KIF13B: variants seen among roughly 807,000 people sequenced by gnomAD.
The protein encoded by KIF13B is kinesin-like protein KIF13B.
A neutral mutation model predicts 222.0 loss-of-function variants in KIF13B; 127 were observed. The ratio of observed to expected loss-of-function variants is 0.57; its 90% CI spans 0.50 to 0.66. KIF13B has a LOEUF of 0.66. Ranked by LOEUF, KIF13B falls within the 30% of genes least tolerant of loss-of-function variation. The pLI, the probability that KIF13B is intolerant of heterozygous loss-of-function variation, is 0.00. For missense variants in KIF13B, 2,173 were observed against 2,379.0 expected (o/e 0.91, Z 1.80); for synonymous variants, 976 against 919.0 (o/e 1.06, Z -1.12).
intron 5 of KIF13B, among the ~76,000 whole-genome samples, chr8:29,187,303 G>A (rs1201128775): frequency 6.6e-6 from 1 of 152,192 alleles, no homozygotes; most frequent in Non-Finnish European, 1.5e-5. Flanking sequence ...CAAGGTGGGT[G>A]GATCACCTGA....
At chr8:29,232,748 A>G (rs1586961352) in intron 2 of KIF13B, among the ~76,000 whole-genome samples, 1 of 152,322 alleles carries the variant, frequency 6.6e-6, no homozygotes, top group East Asian at 1.9e-4. Context: ...TCCAGGATCC[A>G]TCATAGATAC....
At chr8:29,174,260 T>C (rs919683757) in intron 10 of KIF13B, among the ~76,000 whole-genome samples, 2 of 152,174 alleles carry the variant, frequency 1.3e-5, no homozygotes, top group Non-Finnish European at 2.9e-5. Flanking sequence ...AAGAAACCTA[T>C]TTACTCTATG....
intron 2 of KIF13B, among the ~76,000 whole-genome samples, chr8:29,204,122 A>T (rs1586922105): frequency 6.6e-6 from 1 of 152,220 alleles, no homozygotes; most frequent in East Asian, 1.9e-4. Context: ...AAGTTTGACA[A>T]CCCCATTCTA....
In KIF13B at chr8:29,147,440, A is replaced by G; in HGVS notation, c.1976T>C (p.Phe659Ser). The stretch of plus-strand genomic sequence containing the variant: ...GCGTTGCTGAGCGCTGGGCGAGTGG[A>G]AAGAAAACCTGTCCATGCTCCGGCA... Reference protein sequence around the residue: ...QNCRSMDRFSFHSPSAQQRLR... With the variant: ...QNCRSMDRFSSHSPSAQQRLR... The change falls in exon 17 of 40, where the codon TTC becomes TCC. Residue 659 changes from phenylalanine (F) to serine (S), a missense_variant. Coordinates refer to ENST00000524189, the MANE Select transcript of KIF13B (RefSeq NM_015254.4). 8.1e-6 allele frequency: 13 copies of G among 1,612,064 alleles called. No homozygotes were observed. The highest frequency in any genetic ancestry group is 2.2e-5 in the South Asian group (2 of 90,590).
At chr8:29,097,055 A>G (rs1490437211) in intron 36 of KIF13B, among the ~76,000 whole-genome samples, 1 of 152,224 alleles carries the variant, frequency 6.6e-6, no homozygotes, top group African/African-American at 2.4e-5. Context: ...AACTGGACCC[A>G]ACCAAATGTT....
chr8:29,108,267 GC>G (rs1315796720), intron 34 of KIF13B, 75 bp from the exon 35 acceptor site: 16 of 1,422,420 alleles, frequency 1.1e-5, no homozygotes, highest in Non-Finnish European at 1.6e-5. Context: ...GCCAGTCTTT[GC>G]CAACCCAGTC....
At chr8:29,156,716 T>C (rs1811547465) in intron 13 of KIF13B, among the ~76,000 whole-genome samples, 1 of 150,468 alleles carries the variant, frequency 6.6e-6, no homozygotes, top group Non-Finnish European at 1.5e-5. Flanking sequence ...AGACAGGGTC[T>C]CACTATGTTG....
rs1807160093 is a variant in KIF13B at position 29,069,679 on chromosome 8, G to A, written c.*825C>T. The A allele has an allele frequency of 6.6e-6, 1 of 152,252 alleles. No individual in the cohort carries two copies. Among genetic ancestry groups the A allele is most frequent in the Non-Finnish European group, 1.5e-5 (1 of 68,060 alleles). 9.4% of individuals were successfully genotyped at this position (152,252 alleles called of 1,614,324 possible). A position where few individuals can be genotyped will look rare whatever the true frequency, so the allele number is the denominator to read the frequency against. On this transcript the variant is annotated 3_prime_UTR_variant, in exon 40 of 40. Transcript: ENST00000524189. ...CAGAGAGGCTGCAACGTGCAAGGCA[G>A]GCCCTGGGCCCCCCCACACAGGCAG...
At chr8:29,236,997 A>G (rs1815539756) in intron 2 of KIF13B, among the ~76,000 whole-genome samples, 1 of 152,140 alleles carries the variant, frequency 6.6e-6, no homozygotes, top group South Asian at 2.1e-4. Context: ...GGAACTAAGG[A>G]TTGGTAAAGA....
At chr8:29,256,750 T>TTTTG (rs111411821) in intron 1 of KIF13B, among the ~76,000 whole-genome samples, 6,423 of 151,762 alleles carry the variant, frequency 0.042, 449 homozygotes, top group African/African-American at 0.14. Context: ...TTACTACTTT[T>TTTTG]TTTGTTTGTT....
chr8:29,222,711 T>C (rs1331663657), intron 2 of KIF13B, among the ~76,000 whole-genome samples: 1 of 152,082 alleles, frequency 6.6e-6, no homozygotes, highest in Non-Finnish European at 1.5e-5. Context: ...AGTCACTCTT[T>C]TTCTCAATTT....
intron 2 of KIF13B, among the ~76,000 whole-genome samples, chr8:29,232,455 T>TAC (rs910496589): frequency 6.7e-6 from 1 of 148,704 alleles, no homozygotes; most frequent in Non-Finnish European, 1.5e-5. Flanking sequence ...TATATATATA[T>TAC]ACTTATAAAG....
At chr8:29,107,574 T>C (rs1809136789) in intron 35 of KIF13B, among the ~76,000 whole-genome samples, 1 of 151,410 alleles carries the variant, frequency 6.6e-6, no homozygotes, top group Non-Finnish European at 1.5e-5. Context: ...TTTTTTTTTT[T>C]TTTTTGAGAC....
intron 11 of KIF13B, 141 bp from the exon 12 acceptor site, chr8:29,165,913 A>AC: frequency 1.5e-6 from 1 of 674,202 alleles, no homozygotes; most frequent in Non-Finnish European, 2.5e-6. Flanking sequence ...CTTCGATTGT[A>AC]GATCGAAGTA....
rs190583948 is a variant in KIF13B at position 29,142,700 on chromosome 8, G to A, written c.2188-397C>T. ...CTAAAAATACAAAAATTAGCCGGGT[G>A]TGGTGGCACGTGCCTGTAATGCCAG... On this transcript the variant is annotated intron_variant, in intron 18 of 39. Coordinates refer to ENST00000524189, the MANE Select transcript of KIF13B (RefSeq NM_015254.4). Among the ~76,000 whole-genome samples the A allele has an allele frequency of 3.9e-3, 598 of 152,138 alleles. 7 individuals are homozygous for A. Among genetic ancestry groups the A allele is most frequent in the Non-Finnish European group, 4.5e-3 (309 of 68,008 alleles).
intron 24 of KIF13B, 117 bp from the exon 25 acceptor site, chr8:29,127,385 A>G (rs1353634775): frequency 1.4e-6 from 1 of 736,682 alleles, no homozygotes; most frequent in African/African-American, 1.7e-5. Flanking sequence ...CACTGTCACT[A>G]TACCTTATTG....
At chr8:29,212,266 A>G (rs1814262259) in intron 2 of KIF13B, among the ~76,000 whole-genome samples, 1 of 152,190 alleles carries the variant, frequency 6.6e-6, no homozygotes, top group South Asian at 2.1e-4. Flanking sequence ...TTTTTAGGAA[A>G]CGGTAAAAAT....
chr8:29,235,711 C>CG (rs775845814), intron 2 of KIF13B, among the ~76,000 whole-genome samples: 2 of 152,152 alleles, frequency 1.3e-5, no homozygotes, highest in Non-Finnish European at 2.9e-5. Flanking sequence ...ATGCCACCTA[C>CG]GTAGTGGCAT....
intron 2 of KIF13B, among the ~76,000 whole-genome samples, chr8:29,210,642 C>T (rs1415715469): frequency 6.6e-6 from 1 of 152,108 alleles, no homozygotes; most frequent in Non-Finnish European, 1.5e-5. Flanking sequence ...AAGATGGGAT[C>T]CTGAGACTTT....
Sources: gnomAD v4.1 joint callset for allele counts (sites outside exome capture counted in the v4.1 genomes callset) on GRCh38, gnomAD v4.1.1 for gene constraint, MANE v1.5 for transcripts, NCBI Gene and HGNC (gene_info 2026-07-23, HGNC 2026-07-21) for gene names.